ENTPD4: variants seen among roughly 807,000 people sequenced by gnomAD.
ENTPD4 encodes ectonucleoside triphosphate diphosphohydrolase 4.
A neutral mutation model predicts 79.1 loss-of-function variants in ENTPD4; 60 were observed. That is an observed-to-expected ratio of 0.76 (90% CI 0.62 to 0.94). ENTPD4 has a LOEUF of 0.94. Ranked by LOEUF, ENTPD4 falls within the 40% of genes least tolerant of loss-of-function variation. The probability of loss-of-function intolerance (pLI) is 0.00; values close to 1 mark genes in which losing one functional copy is unlikely to be tolerated. For missense variants in ENTPD4, 772 were observed against 775.1 expected (o/e 1.00, Z 0.05); for synonymous variants, 276 against 292.0 (o/e 0.95, Z 0.56).
chr8:23,434,697 G>A (rs1012178287), intron 11 of ENTPD4: 1 of 1,385,664 alleles, frequency 7.2e-7, no homozygotes, highest in Non-Finnish European at 9.3e-7. Flanking sequence ...AAATCAATCA[G>A]TGCATGAACC....
Position 23,432,039 on chromosome 8 carries a change from G to A in ENTPD4, c.*887C>T. On this transcript the variant is annotated 3_prime_UTR_variant, in exon 13 of 13. Coordinates refer to ENST00000358689, the MANE Select transcript of ENTPD4 (RefSeq NM_004901.5). ...CACACACTCGCACAAAGCTGTAGTC[G>A]ATAGTTCACTATCACTTTTATAAAT... The A allele has an allele frequency of 2.0e-6, 2 of 985,262 alleles. No homozygotes were observed. The highest frequency in any genetic ancestry group is 2.4e-6 in the Non-Finnish European group (2 of 829,894). 61.0% of individuals were successfully genotyped at this position (985,262 alleles called of 1,614,324 possible).
Position 23,437,270 on chromosome 8 carries a change from C to T in ENTPD4, c.1050-12G>A. On this transcript the variant is annotated splice_polypyrimidine_tract_variant and intron_variant, in intron 9 of 12. Transcript: ENST00000358689. ...GTTTACCCAGGAGCCTATGGCAAAA[C>T]AAGAAACTTCATCGTGAGTCCTACA... 6.4e-7 allele frequency: 1 copy of T among 1,555,112 alleles called. No individual in the cohort carries two copies. The highest frequency in any genetic ancestry group is 1.4e-5 in the African/African-American group (1 of 72,344).
rs952393111 is a variant in ENTPD4, at chr8:23,430,719, G to A, written c.*2207C>T. The A allele has an allele frequency of 1.3e-5, 13 of 985,304 alleles. No homozygotes were observed. In the South Asian group the frequency reaches 1.4e-4, roughly 11 times the overall value. The allele number at this position is 985,304 out of a possible 1,614,324, so 61.0% of individuals were successfully genotyped here. ...TCTTCTATGCCCAGAGCTGGAAGGC[G>A]GGGTCCCCTAACTCCCTGGGTGCCC... On this transcript the variant is annotated 3_prime_UTR_variant, in exon 13 of 13. Transcript: ENST00000358689.
chr8:23,444,567 T>G lies in ENTPD4; in HGVS notation c.452A>C (p.Asp151Ala), dbSNP rs147862130. Reference protein sequence around the residue: ...EFATSPEKVSDYISPLLNFAA... With the variant: ...EFATSPEKVSAYISPLLNFAA... ...AAAGTTCAAAAGTGGAGAAATGTAA[T>G]CACTGACTTTCTCTGGAGAGGTAGC... The change falls in exon 5 of 13, where the codon GAT becomes GCT. Residue 151 changes from aspartate (D) to alanine (A), a missense_variant. Asp to Ala is a moderately radical substitution (Grantham distance 126, BLOSUM62 -2). Transcript: ENST00000358689. 8.0e-4 allele frequency: 1,299 copies of G among 1,614,166 alleles called. 1 individual carries two copies. The highest frequency in any genetic ancestry group is 1.1e-3 in the Non-Finnish European group (1,250 of 1,179,982).
intron 6 of ENTPD4, among the ~76,000 whole-genome samples, chr8:23,442,803 T>C (rs1425500536): frequency 6.6e-6 from 1 of 152,120 alleles, no homozygotes; most frequent in Non-Finnish European, 1.5e-5. Flanking sequence ...CCTTGGGTAG[T>C]CCATCTAATC....
intron 10 of ENTPD4, among the ~76,000 whole-genome samples, chr8:23,435,956 TGTAA>T (rs1563222220): frequency 6.6e-6 from 1 of 152,242 alleles, no homozygotes; most frequent in East Asian, 1.9e-4. Context: ...TTGAGCATTG[TGTAA>T]GTGTGTCTTC....
rs188767140 is a variant in ENTPD4, at chr8:23,431,446, T to C, written c.*1480A>G. On this transcript the variant is annotated 3_prime_UTR_variant, in exon 13 of 13. Coordinates refer to ENST00000358689, the MANE Select transcript of ENTPD4 (RefSeq NM_004901.5). ...TCCCCAAACTTCTCAACTAAATAAA[T>C]AGGTGAAAAAACACCAATCTCACAT... 2.2e-5 allele frequency: 22 copies of C among 985,384 alleles called. No individual in the cohort carries two copies. In the South Asian group the frequency reaches 2.8e-4, roughly 13 times the overall value. 61.0% of individuals were successfully genotyped at this position (985,384 alleles called of 1,614,324 possible).
In ENTPD4 at chr8:23,432,899, T is replaced by C; in HGVS notation, c.*27A>G. Reference sequence around the variant, plus strand: ...CTGAGGCAAAAATGGCTTTTCCTTTTGAGTCTTCGTGGAGCTGTGAGCTGG... The same window carrying C: ...CTGAGGCAAAAATGGCTTTTCCTTTCGAGTCTTCGTGGAGCTGTGAGCTGG... On this transcript the variant is annotated 3_prime_UTR_variant, in exon 13 of 13. Coordinates refer to ENST00000358689, the MANE Select transcript of ENTPD4 (RefSeq NM_004901.5). 6.5e-7 allele frequency: 1 copy of C among 1,535,486 alleles called. No homozygotes were observed. The highest frequency in any genetic ancestry group is 8.8e-7 in the Non-Finnish European group (1 of 1,137,352).
rs759326188 is a variant in ENTPD4, at chr8:23,437,260, T to C, written c.1050-2A>G. On this transcript the variant is annotated splice_acceptor_variant, in intron 9 of 12. Coordinates refer to ENST00000358689, the MANE Select transcript of ENTPD4 (RefSeq NM_004901.5). LOFTEE classifies it high-confidence loss of function. ...AGACCAGTCTGTTTACCCAGGAGCC[T>C]ATGGCAAAACAAGAAACTTCATCGT... 1 of 1,566,802 alleles carries C rather than the reference T, an allele frequency of 6.4e-7. No individual in the cohort carries two copies. The highest frequency in any genetic ancestry group is 1.2e-5 in the South Asian group (1 of 84,496).
rs144084903 is a variant in ENTPD4 at position 23,449,331 on chromosome 8, T to C, written c.9-392A>G. ...GATGAGACCAAACGGGAATGCAGTATGGAGAAAGGCATGTCGTAAGCTGGG... is the reference window on the plus strand; with the variant it reads ...GATGAGACCAAACGGGAATGCAGTACGGAGAAAGGCATGTCGTAAGCTGGG... On this transcript the variant is annotated intron_variant, in intron 2 of 12. Transcript: ENST00000358689. Among the ~76,000 whole-genome samples the C allele has an allele frequency of 2.4e-4, 37 of 152,286 alleles. 1 individual carries two copies. In the East Asian group the frequency reaches 5.8e-3, roughly 24 times the overall value.
intron 12 of ENTPD4, chr8:23,434,028 A>G (rs765357676): frequency 8.6e-5 from 33 of 382,908 alleles, no homozygotes; most frequent in Non-Finnish European, 8.1e-5. Flanking sequence ...AAAGGTTAAG[A>G]ACCCCGGAAC....
At chr8:23,449,611 C>T (rs1403260821) in intron 2 of ENTPD4, among the ~76,000 whole-genome samples, 2 of 152,150 alleles carry the variant, frequency 1.3e-5, no homozygotes, top group Non-Finnish European at 2.9e-5. Context: ...CAGTTTATGT[C>T]AAGAATGAGA....
In ENTPD4 at chr8:23,441,737, A is replaced by C; in HGVS notation, c.728-14T>G. 1.2e-6 allele frequency: 2 copies of C among 1,613,248 alleles called. No individual in the cohort carries two copies. Among genetic ancestry groups the C allele is most frequent in the Non-Finnish European group, 8.5e-7 (1 of 1,179,752 alleles). On this transcript the variant is annotated splice_polypyrimidine_tract_variant and intron_variant, in intron 7 of 12. Transcript: ENST00000358689. ...CGGCCTCATCATCTAGAAAGAACAG[A>C]AAGTGTTCACTGGAACAGAACTAAT...
chr8:23,447,917 A>G (rs1209164195), intron 3 of ENTPD4, 32 bp from the exon 4 acceptor site: 2 of 1,573,708 alleles, frequency 1.3e-6, no homozygotes, highest in South Asian at 2.2e-5. Context: ...GCTTTGATTT[A>G]GACAAAGAAT....
intron 1 of ENTPD4, 53 bp from the exon 2 acceptor site, chr8:23,450,050 C>A: frequency 8.8e-6 from 8 of 913,778 alleles, no homozygotes; most frequent in Non-Finnish European, 1.4e-5. Flanking sequence ...AAGAAAACAT[C>A]TACGTTCTTT....
intron 9 of ENTPD4, among the ~76,000 whole-genome samples, chr8:23,438,547 T>C (rs1800611563): frequency 6.6e-6 from 1 of 152,234 alleles, no homozygotes; most frequent in Admixed American, 6.5e-5. Flanking sequence ...TGCTATTATT[T>C]TTAGTTGTCC....
intron 12 of ENTPD4, 86 bp downstream of exon 12, chr8:23,434,231 A>T: frequency 6.5e-7 from 1 of 1,541,244 alleles, no homozygotes. Flanking sequence ...CAATGCCCCA[A>T]ACAGCCACAG....
intron 6 of ENTPD4, 52 bp from the exon 7 acceptor site, chr8:23,442,118 G>GT: frequency 7.5e-7 from 1 of 1,324,766 alleles, no homozygotes; most frequent in African/African-American, 1.4e-5. Flanking sequence ...AACATTTTGT[G>GT]TAACTCCTAT....
intron 4 of ENTPD4, among the ~76,000 whole-genome samples, chr8:23,446,148 A>G (rs1800760002): frequency 6.6e-6 from 1 of 152,204 alleles, no homozygotes; most frequent in African/African-American, 2.4e-5. Context: ...GTGCAATAAA[A>G]AGGTATTTTG....
Sources: allele counts gnomAD v4.1 joint callset (sites outside exome capture counted in the v4.1 genomes callset), GRCh38; gene constraint gnomAD v4.1.1; transcripts MANE v1.5; gene names NCBI Gene and HGNC (gene_info 2026-07-23, HGNC 2026-07-21).